Variants in VTA1 observed in about 807,000 individuals in gnomAD.
VTA1 encodes vacuolar protein sorting-associated protein VTA1 homolog.
In VTA1, 24 loss-of-function variants were observed where a neutral mutation model predicts 36.9. The ratio of observed to expected loss-of-function variants is 0.65; its 90% CI spans 0.47 to 0.91. VTA1 has a LOEUF of 0.91. Among genes scored for constraint, VTA1 ranks in the 40% least tolerant of loss-of-function variants. VTA1 has a pLI of 0.00. For synonymous variants in VTA1, 142 were observed against 130.2 expected (o/e 1.09, Z -0.62); for missense variants, 393 against 377.2 (o/e 1.04, Z -0.35).
chr6:142,190,016 C>T (rs1265863915), intron 5 of VTA1, among the ~76,000 whole-genome samples: 1 of 152,188 alleles, frequency 6.6e-6, no homozygotes, highest in East Asian at 1.9e-4. Flanking sequence ...CTTGGCCTCC[C>T]AAAGTGCTGG....
chr6:142,161,974 G>A (rs556808621), intron 1 of VTA1, among the ~76,000 whole-genome samples: 1 of 152,222 alleles, frequency 6.6e-6, no homozygotes, highest in South Asian at 2.1e-4. Flanking sequence ...ATCTTTTAAT[G>A]CTGAGAGGAT....
At chr6:142,217,492 C>G (rs1471058107) in intron 7 of VTA1, among the ~76,000 whole-genome samples, 2 of 151,612 alleles carry the variant, frequency 1.3e-5, no homozygotes, top group African/African-American at 4.8e-5. Context: ...GGAGTTGCTA[C>G]CTAGTTTGAA....
At chr6:142,199,664 TTCC>T (rs997092422) in intron 6 of VTA1, among the ~76,000 whole-genome samples, 8 of 152,068 alleles carry the variant, frequency 5.3e-5, no homozygotes, top group African/African-American at 1.4e-4. Flanking sequence ...ATTAGTGTCT[TTCC>T]TCCTATTTTA....
intron 1 of VTA1, among the ~76,000 whole-genome samples, chr6:142,160,180 A>G (rs113338857): frequency 0.015 from 2,344 of 152,170 alleles, 51 homozygotes; most frequent in South Asian, 0.07. Flanking sequence ...GTTTATTTTT[A>G]GCTTTTCAGG....
rs1379077511 is a variant in VTA1 at position 142,197,918 on chromosome 6, CA to C, written c.521-508del. Among the ~76,000 whole-genome samples the C allele has an allele frequency of 1.5e-3, 138 of 91,568 alleles. 1 individual carries two copies. The highest frequency in any genetic ancestry group is 1.5e-3 in the Non-Finnish European group (63 of 42,340). 60.1% of individuals were successfully genotyped at this position (91,568 alleles called of 152,430 possible). On this transcript the variant is annotated intron_variant, in intron 5 of 7. Coordinates refer to ENST00000367630, the MANE Select transcript of VTA1 (RefSeq NM_016485.5). ...TGAAACCCCGTCTCTACTAAAAATA[CA>C]AAAAAAAAAAAACCAAAAAAAAAAC...
At chr6:142,208,971 G>A (rs892147046) in intron 7 of VTA1, among the ~76,000 whole-genome samples, 4 of 152,136 alleles carry the variant, frequency 2.6e-5, no homozygotes, top group African/African-American at 9.7e-5. Flanking sequence ...TTAATACTAT[G>A]TATATAATTT....
chr6:142,218,740 T>C lies in VTA1; in HGVS notation c.*97T>C. ...TCAGGATCACAGTTTTAAGGAAGAC[T>C]TGGTTTTGTTGAATATGACAATGAA... is the stretch of plus-strand genomic sequence containing the variant. On this transcript the variant is annotated 3_prime_UTR_variant, in exon 8 of 8. Coordinates refer to ENST00000367630, the MANE Select transcript of VTA1 (RefSeq NM_016485.5). 7.3e-7 allele frequency: 1 copy of C among 1,370,546 alleles called. No individual in the cohort carries two copies. Among genetic ancestry groups the C allele is most frequent in the Non-Finnish European group, 9.7e-7 (1 of 1,031,070 alleles). The allele number at this position is 1,370,546 out of a possible 1,614,324, so 84.9% of individuals were successfully genotyped here.
At position 142,203,982 on chromosome 6, in the gene VTA1, C is replaced by T. The variant is rs1250671800; in HGVS notation, c.698-3C>T. 5 of 1,612,406 alleles carry T rather than the reference C, an allele frequency of 3.1e-6. No individual in the cohort carries two copies. In the Admixed American group the frequency reaches 5.0e-5, roughly 16 times the overall value. On this transcript the variant is annotated splice_polypyrimidine_tract_variant and splice_region_variant and intron_variant, in intron 6 of 7. Coordinates refer to ENST00000367630, the MANE Select transcript of VTA1 (RefSeq NM_016485.5). ...TGCCCATTTTTGCTTTTCTGATTTG[C>T]AGGTGTAGCAAGTAATACTATCCAA...
rs1038560939 is a variant in VTA1, at chr6:142,221,817, A to G, written c.*3174A>G. 9 of 148,466 alleles carry G rather than the reference A, an allele frequency of 6.1e-5. No individual in the cohort carries two copies. The highest frequency in any genetic ancestry group is 2.2e-4 in the African/African-American group (9 of 40,812). 9.2% of individuals were successfully genotyped at this position (148,466 alleles called of 1,614,324 possible). A position where few individuals can be genotyped will look rare whatever the true frequency, so the allele number is the denominator to read the frequency against. Reference sequence around the variant, plus strand: ...AAATATATTAATAAATATATAATATATATATTAGCCTGGCATGGTGGCACA... The same window carrying G: ...AAATATATTAATAAATATATAATATGTATATTAGCCTGGCATGGTGGCACA... On this transcript the variant is annotated 3_prime_UTR_variant, in exon 8 of 8. Transcript: ENST00000367630.
chr6:142,166,114 T>C, intron 1 of VTA1, 114 bp from the exon 2 acceptor site: 1 of 674,692 alleles, frequency 1.5e-6, no homozygotes, highest in South Asian at 3.7e-5. Flanking sequence ...AAATCAGTTT[T>C]ATTTCTAAAT....
chr6:142,203,442 A>T (rs1196583505), intron 6 of VTA1, among the ~76,000 whole-genome samples: 1 of 152,090 alleles, frequency 6.6e-6, no homozygotes, highest in African/African-American at 2.4e-5. Context: ...ACTTCAGTAT[A>T]TTCCTTACCA....
chr6:142,197,462 T>G (rs1379715745), intron 5 of VTA1, among the ~76,000 whole-genome samples: 1 of 152,220 alleles, frequency 6.6e-6, no homozygotes, highest in African/African-American at 2.4e-5. Context: ...GGTCATTTTA[T>G]ACTCAAAATT....
At chr6:142,203,681 T>C (rs1775732156) in intron 6 of VTA1, among the ~76,000 whole-genome samples, 1 of 152,136 alleles carries the variant, frequency 6.6e-6, no homozygotes, top group Non-Finnish European at 1.5e-5. Flanking sequence ...ATCACCAAAT[T>C]ATTTAATTGG....
chr6:142,190,003 C>T (rs984533675), intron 5 of VTA1, among the ~76,000 whole-genome samples: 1 of 152,112 alleles, frequency 6.6e-6, no homozygotes, highest in African/African-American at 2.4e-5. Flanking sequence ...GTGATCCGCC[C>T]ACCTTGGCCT....
intron 4 of VTA1, among the ~76,000 whole-genome samples, chr6:142,181,413 A>G (rs1775236061): frequency 1.4e-5 from 2 of 147,916 alleles, no homozygotes; most frequent in Admixed American, 6.7e-5. Context: ...GATTACAGGC[A>G]TAAGCCACCG....
chr6:142,188,429 G>A (rs1011575586), intron 4 of VTA1, among the ~76,000 whole-genome samples: 1 of 151,212 alleles, frequency 6.6e-6, no homozygotes, highest in Non-Finnish European at 1.5e-5. Flanking sequence ...TGGCCAGGCT[G>A]GTCTTGAACT....
At chr6:142,147,876 G>C (rs912657751) in intron 1 of VTA1, among the ~76,000 whole-genome samples, 1 of 152,186 alleles carries the variant, frequency 6.6e-6, no homozygotes, top group Non-Finnish European at 1.5e-5. Context: ...GTTAAATGGG[G>C]AGTATCTGCT....
At chr6:142,165,326 C>A (rs1774892341) in intron 1 of VTA1, among the ~76,000 whole-genome samples, 1 of 152,132 alleles carries the variant, frequency 6.6e-6, no homozygotes, top group South Asian at 2.1e-4. Flanking sequence ...CAAAATGAAA[C>A]AGGCACAGAG....
intron 5 of VTA1, among the ~76,000 whole-genome samples, chr6:142,197,385 CTT>C (rs1484538409): frequency 2.0e-5 from 3 of 152,118 alleles, no homozygotes; most frequent in Non-Finnish European, 4.4e-5. Flanking sequence ...GATCTATTCT[CTT>C]TGATGAGTCT....
Sources: gnomAD v4.1 joint callset for allele counts (sites outside exome capture counted in the v4.1 genomes callset) on GRCh38, gnomAD v4.1.1 for gene constraint, MANE v1.5 for transcripts, NCBI Gene and HGNC (gene_info 2026-07-23, HGNC 2026-07-21) for gene names.